RBM25: variants seen among roughly 807,000 people sequenced by gnomAD.
The protein encoded by RBM25 is RNA binding motif protein 25, also known as RNA-binding protein 25.
A neutral mutation model predicts 120.7 loss-of-function variants in RBM25; 19 were observed. The observed-to-expected ratio is 0.16, with a 90% confidence interval of 0.11 to 0.23. The LOEUF (loss-of-function observed/expected upper bound fraction) is 0.23, where lower values mean the gene tolerates loss of function less well. RBM25 is among the 10% of genes least tolerant of loss of function. The pLI is 1.00. For synonymous variants in RBM25, 390 were observed against 326.7 expected (o/e 1.19, Z -2.09); for missense variants, 605 against 1,041.5 (o/e 0.58, Z 5.77).
At chr14:73,098,803 C>T (rs1237480054) in intron 7 of RBM25, among the ~76,000 whole-genome samples, 1 of 152,030 alleles carries the variant, frequency 6.6e-6, no homozygotes, top group Non-Finnish European at 1.5e-5. Context: ...GCTGCCACGC[C>T]CAGCTACTTT....
At chr14:73,071,801 A>G (rs1485079234) in intron 2 of RBM25, 54 bp downstream of exon 2, 2 of 1,392,214 alleles carry the variant, frequency 1.4e-6, no homozygotes, top group South Asian at 1.2e-5. Context: ...TGTCTTTGTG[A>G]TACTAACTTC....
chr14:73,121,771 A>G lies in RBM25; in HGVS notation c.*1966A>G, dbSNP rs362449. On this transcript the variant is annotated 3_prime_UTR_variant, in exon 19 of 19. Coordinates refer to ENST00000261973, the MANE Select transcript of RBM25 (RefSeq NM_021239.3). Reference sequence around the variant, plus strand: ...CTTCGTTTCTTCTCCTGCTCTGTCAACTGTACTTATCTTAAAGGGCCACTC... The same window carrying G: ...CTTCGTTTCTTCTCCTGCTCTGTCAGCTGTACTTATCTTAAAGGGCCACTC... The G allele has an allele frequency of 6.6e-6, 1 of 152,192 alleles. No individual in the cohort carries two copies. Among genetic ancestry groups the G allele is most frequent in the African/African-American group, 2.4e-5 (1 of 41,434 alleles). 9.4% of individuals were successfully genotyped at this position (152,192 alleles called of 1,614,324 possible).
chr14:73,081,544 T>C (rs1011749011), intron 4 of RBM25, among the ~76,000 whole-genome samples: 1 of 152,192 alleles, frequency 6.6e-6, no homozygotes, highest in Non-Finnish European at 1.5e-5. Context: ...TGCTGTTCTG[T>C]GTTGGGTGGT....
chr14:73,071,805 T>C, intron 2 of RBM25, 58 bp downstream of exon 2: 2 of 1,358,404 alleles, frequency 1.5e-6, no homozygotes, highest in Non-Finnish European at 2.1e-6. Context: ...TTTGTGATAC[T>C]AACTTCAGGA....
At chr14:73,095,113 C>G (rs1315444947) in intron 6 of RBM25, among the ~76,000 whole-genome samples, 1 of 152,004 alleles carries the variant, frequency 6.6e-6, no homozygotes, top group African/African-American at 2.4e-5. Context: ...CTTGGCCTCC[C>G]AAAGCGCTGG....
At chr14:73,079,113 A>C (rs779984898) in intron 4 of RBM25, among the ~76,000 whole-genome samples, 1 of 147,406 alleles carries the variant, frequency 6.8e-6, no homozygotes, top group Non-Finnish European at 1.5e-5. Context: ...TAAGTGAAAT[A>C]ATGCTGAATG....
At position 73,110,973 on chromosome 14, in the gene RBM25, G is replaced by C; in HGVS notation, c.1835G>C (p.Cys612Ser). The C allele has an allele frequency of 6.2e-7, 1 of 1,613,540 alleles. No homozygotes were observed. The highest frequency in any genetic ancestry group is 8.5e-7 in the Non-Finnish European group (1 of 1,179,704). Residue 612 changes from cysteine (C) to serine (S), a missense_variant, in exon 15 of 19, where the codon TGT becomes TCT. Physicochemically the swap from Cys to Ser is moderately radical, Grantham distance 112 (BLOSUM62 -1). This residue lies in a region of RBM25 where 465 missense variants were observed against 741.6 expected (regional missense o/e 0.63). Coordinates refer to ENST00000261973, the MANE Select transcript of RBM25 (RefSeq NM_021239.3). ...EEEEEPEQKP[C>S]LKPTLRPISS... Reference sequence around the variant, plus strand: ...GAAGAGGAGCCAGAGCAAAAGCCTTGTCTGAAACCTACTCTGAGGCCCATC... The same window carrying C: ...GAAGAGGAGCCAGAGCAAAAGCCTTCTCTGAAACCTACTCTGAGGCCCATC...
At chr14:73,063,820 T>G (rs1895063285) in intron 1 of RBM25, among the ~76,000 whole-genome samples, 1 of 151,426 alleles carries the variant, frequency 6.6e-6, no homozygotes, top group African/African-American at 2.4e-5. Flanking sequence ...TTCAAATGAT[T>G]TTCACCTCAT....
intron 2 of RBM25, among the ~76,000 whole-genome samples, chr14:73,075,101 G>A (rs1895384711): frequency 6.6e-6 from 1 of 151,736 alleles, no homozygotes; most frequent in Admixed American, 6.6e-5. Context: ...TGAACTCCTG[G>A]GCTCAGGGAT....
chr14:73,079,851 C>T (rs75984759), intron 4 of RBM25, among the ~76,000 whole-genome samples: 13,681 of 150,418 alleles, frequency 0.091, 1,338 homozygotes, highest in Middle Eastern at 0.21. Flanking sequence ...TGAAGCCTGA[C>T]TCCATTTTTA....
chr14:73,067,404 A>G (rs1353949300), intron 1 of RBM25, among the ~76,000 whole-genome samples: 1 of 151,846 alleles, frequency 6.6e-6, no homozygotes, highest in Admixed American at 6.6e-5. Context: ...AATTTACTGC[A>G]TTATTATTAT....
At chr14:73,070,475 T>G (rs1003767010) in intron 1 of RBM25, among the ~76,000 whole-genome samples, 9 of 152,104 alleles carry the variant, frequency 5.9e-5, no homozygotes, top group Admixed American at 5.9e-4. Context: ...TTTTCTCTTG[T>G]CAAAAGTTGT....
At position 73,109,495 on chromosome 14, in the gene RBM25, A is replaced by G. The variant is rs1412228722; in HGVS notation, c.1692+3A>G. ...ATCCAGATGCAGAGCTCCAGAGGGTAAGATACTGTACCATCTGGTCGGGCG... is the reference window on the plus strand; with the variant it reads ...ATCCAGATGCAGAGCTCCAGAGGGTGAGATACTGTACCATCTGGTCGGGCG... On this transcript the variant is annotated splice_donor_region_variant and intron_variant, in intron 14 of 18. Coordinates refer to ENST00000261973, the MANE Select transcript of RBM25 (RefSeq NM_021239.3). The G allele has an allele frequency of 1.3e-5, 21 of 1,613,618 alleles. No individual in the cohort carries two copies. The highest frequency in any genetic ancestry group is 1.6e-5 in the Non-Finnish European group (19 of 1,179,736).
chr14:73,065,842 A>G (rs1446865122), intron 1 of RBM25, among the ~76,000 whole-genome samples: 1 of 151,994 alleles, frequency 6.6e-6, no homozygotes, highest in East Asian at 1.9e-4. Context: ...GGTGTGAGCC[A>G]CCGCCCCTGA....
intron 4 of RBM25, among the ~76,000 whole-genome samples, chr14:73,080,983 C>G (rs772447244): frequency 1.3e-5 from 2 of 151,150 alleles, no homozygotes; most frequent in Non-Finnish European, 2.9e-5. Flanking sequence ...TGCTACCACA[C>G]CTGGCTAATT....
At chr14:73,109,643 A>C in intron 14 of RBM25, 151 bp downstream of exon 14, 2 of 686,680 alleles carry the variant, frequency 2.9e-6, no homozygotes, top group East Asian at 3.8e-5. Context: ...AATACAAAAG[A>C]TTAGCCGGGT....
Position 73,111,026 on chromosome 14 carries a change from A to G in RBM25, c.1888A>G (p.Ser630Gly). Residue 630 changes from serine to glycine, a missense_variant, in exon 15 of 19, where the codon AGT becomes GGT. Coordinates refer to ENST00000261973, the MANE Select transcript of RBM25 (RefSeq NM_021239.3). ...CTCTGCTCCATCTGTTTCCTCTGCC[A>G]GTGGCAATGCAACACCTAACACTCC... ...ISSAPSVSSA[S>G]GNATPNTPGD... 1 of 1,614,216 alleles carries G rather than the reference A, an allele frequency of 6.2e-7. No homozygotes were observed. Among genetic ancestry groups the G allele is most frequent in the Non-Finnish European group, 8.5e-7 (1 of 1,180,036 alleles).
At chr14:73,116,054 A>G (rs1896420309) in intron 18 of RBM25, among the ~76,000 whole-genome samples, 3 of 152,212 alleles carry the variant, frequency 2.0e-5, no homozygotes, top group South Asian at 4.1e-4. Flanking sequence ...GTGAGAGCTC[A>G]TGAACGTCCA....
At chr14:73,062,640 T>C (rs1895030249) in intron 1 of RBM25, among the ~76,000 whole-genome samples, 1 of 151,400 alleles carries the variant, frequency 6.6e-6, no homozygotes, top group Admixed American at 6.6e-5. Flanking sequence ...AAAAGCTGAG[T>C]GCATGCATAT....
Sources: allele counts gnomAD v4.1 joint callset (sites outside exome capture counted in the v4.1 genomes callset), GRCh38; gene constraint gnomAD v4.1.1; regional missense constraint gnomAD v4.1.1; transcripts MANE v1.5; gene names NCBI Gene and HGNC (gene_info 2026-07-23, HGNC 2026-07-21).